Variants in SESN1 observed in about 807,000 individuals in gnomAD.
SESN1 encodes sestrin 1.
Under a neutral mutation model 59.3 loss-of-function variants are expected in SESN1, and 30 were observed. That is an observed-to-expected ratio of 0.51 (90% confidence interval 0.38 to 0.69). The LOEUF (loss-of-function observed/expected upper bound fraction) is 0.69. Among genes scored for constraint, SESN1 ranks in the 30% least tolerant of loss-of-function variants. The probability of loss-of-function intolerance (pLI) is 0.00; values close to 1 mark genes in which losing one functional copy is unlikely to be tolerated. For synonymous variants in SESN1, 197 were observed against 219.9 expected, an observed-to-expected ratio of 0.90 and a Z score of 0.92; for missense variants, 566 against 673.0, an observed-to-expected ratio of 0.84 and a Z score of 1.76.
At chr6:108,995,102 T>G (rs1371817741) in intron 5 of SESN1, among the ~76,000 whole-genome samples, 1 of 152,214 alleles carries the variant, frequency 6.6e-6, no homozygotes, top group Non-Finnish European at 1.5e-5. Flanking sequence ...AATACAGACA[T>G]GCAGATTTTA....
chr6:109,076,194 C>A (rs1331637419), intron 1 of SESN1, among the ~76,000 whole-genome samples: 1 of 152,202 alleles, frequency 6.6e-6, no homozygotes. Context: ...CTGTGGTTTG[C>A]AGCTTCAATT....
chr6:109,054,492 A>G (rs1780596347), intron 1 of SESN1, among the ~76,000 whole-genome samples: 1 of 152,180 alleles, frequency 6.6e-6, no homozygotes, highest in African/African-American at 2.4e-5. Flanking sequence ...AAAAAGATAA[A>G]ATTATGTTAC....
At chr6:109,017,305 A>C (rs1779942325) in intron 1 of SESN1, among the ~76,000 whole-genome samples, 1 of 152,134 alleles carries the variant, frequency 6.6e-6, no homozygotes, top group South Asian at 2.1e-4. Flanking sequence ...CATTTCTTTT[A>C]GACAGAGTCT....
chr6:109,033,215 G>C (rs960628951), intron 1 of SESN1, among the ~76,000 whole-genome samples: 3 of 152,170 alleles, frequency 2.0e-5, no homozygotes, highest in Non-Finnish European at 2.9e-5. Context: ...AAGCTAAAGA[G>C]AGTGCAGTGG....
At chr6:109,007,229 G>A (rs1407241) in intron 1 of SESN1, among the ~76,000 whole-genome samples, 15,203 of 152,198 alleles carry the variant, frequency 0.1, 928 homozygotes, top group Middle Eastern at 0.19. Context: ...GAAAGACTAT[G>A]TTTTTATTGT....
At chr6:109,074,549 A>G (rs1163349482) in intron 1 of SESN1, among the ~76,000 whole-genome samples, 3 of 152,240 alleles carry the variant, frequency 2.0e-5, no homozygotes, top group South Asian at 2.1e-4. Context: ...GCCAAAATAC[A>G]TAAGAATTAT....
chr6:109,049,775 G>A (rs1780514513), intron 1 of SESN1, among the ~76,000 whole-genome samples: 1 of 150,852 alleles, frequency 6.6e-6, no homozygotes, highest in South Asian at 2.1e-4. Flanking sequence ...ATATTTATAT[G>A]TATTTTTTAA....
intron 1 of SESN1, among the ~76,000 whole-genome samples, chr6:109,057,817 A>T (rs911482221): frequency 6.6e-6 from 1 of 152,192 alleles, no homozygotes; most frequent in African/African-American, 2.4e-5. Context: ...AAACACAAAG[A>T]ATTCAGAAAT....
chr6:108,990,718 T>A lies in SESN1; in HGVS notation c.1351A>T (p.Met451Leu). 1.2e-6 allele frequency: 2 copies of A among 1,614,166 alleles called. No individual in the cohort carries two copies. The highest frequency in any genetic ancestry group is 1.3e-5 in the African/African-American group (1 of 75,056). The stretch of plus-strand genomic sequence containing the variant: ...ATTGAGGTATCAACATCTTTGTGCA[T>A]TGCCATTGTATTATAAGTAAGATTG... ...AYNLTYNTMA[M>L]HKDVDTSMLR... The change falls in exon 8 of 10, where the codon ATG (methionine) becomes TTG (leucine). Residue 451 changes from methionine (M) to leucine (L), a missense_variant. Met to Leu is a conservative substitution (Grantham distance 15, BLOSUM62 2). Coordinates refer to ENST00000436639, the MANE Select transcript of SESN1 (RefSeq NM_014454.3).
At chr6:109,039,800 A>G (rs1209015427) in intron 1 of SESN1, among the ~76,000 whole-genome samples, 3 of 152,186 alleles carry the variant, frequency 2.0e-5, no homozygotes, top group Non-Finnish European at 4.4e-5. Flanking sequence ...TGATCTTTCT[A>G]TTGTCTTAAC....
rs991568957 is a variant in SESN1, at chr6:109,009,211, G to A, written c.280-6868C>T. 8 of 829,362 alleles carry A rather than the reference G, an allele frequency of 9.6e-6. No individual in the cohort carries two copies. In the Admixed American group the frequency reaches 1.7e-4, roughly 18 times the overall value. The allele number at this position is 829,362 out of a possible 1,614,324, so 51.4% of individuals were successfully genotyped here. A position where few individuals can be genotyped will look rare whatever the true frequency, so the allele number is the denominator to read the frequency against. On this transcript the variant is annotated intron_variant, in intron 1 of 9. Coordinates refer to ENST00000436639, the MANE Select transcript of SESN1 (RefSeq NM_014454.3). ...GGAGGGCCGGGACGCTGCTCCCCGG[G>A]AGCCCGCCCTATCTGGGGAGCGTTT...
rs75123969 is a variant in SESN1 at position 108,997,884 on chromosome 6, T to C, written c.972+629A>G. Among the ~76,000 whole-genome samples, 585 of 152,328 alleles carry C rather than the reference T, an allele frequency of 3.8e-3. 1 individual carries two copies. The highest frequency in any genetic ancestry group is 0.014 in the African/African-American group (569 of 41,590). ...ATATACAGGAATTAAAATTTGCTTA[T>C]AGAAAACTGAACTTGCTCTGTTTCA... On this transcript the variant is annotated intron_variant, in intron 5 of 9. Coordinates refer to ENST00000436639, the MANE Select transcript of SESN1 (RefSeq NM_014454.3).
At chr6:109,009,295 C>A in intron 1 of SESN1, 1 of 1,391,106 alleles carries the variant, frequency 7.2e-7, no homozygotes, top group South Asian at 1.4e-5. Context: ...TTGCACAGGG[C>A]AGCTCGGCCG....
chr6:109,018,022 G>T lies in SESN1; in HGVS notation c.280-15679C>A, dbSNP rs779241375. On this transcript the variant is annotated intron_variant, in intron 1 of 9. Transcript: ENST00000436639. ...GTCTCTTTCTATAGAACAATAATAAGAAGAAGAAATAGCAAAAATATAATT... is the reference window on the plus strand; with the variant it reads ...GTCTCTTTCTATAGAACAATAATAATAAGAAGAAATAGCAAAAATATAATT... 1.7e-3 allele frequency among the ~76,000 whole-genome samples: 256 copies of T among 152,190 alleles called. 1 individual carries two copies. The highest frequency in any genetic ancestry group is 4.5e-3 in the African/African-American group (187 of 41,522).
intron 6 of SESN1, among the ~76,000 whole-genome samples, chr6:108,993,720 C>T (rs577528287): frequency 4.7e-4 from 71 of 152,022 alleles, no homozygotes; most frequent in Admixed American, 5.2e-4. Flanking sequence ...TAATAAATAT[C>T]TCCTTTTCAC....
At chr6:108,997,733 T>C (rs1368819567) in intron 5 of SESN1, among the ~76,000 whole-genome samples, 1 of 152,198 alleles carries the variant, frequency 6.6e-6, no homozygotes, top group Admixed American at 6.5e-5. Context: ...ATAATATAAC[T>C]CAGAAAATGC....
intron 1 of SESN1, chr6:109,009,099 C>T: frequency 1.3e-6 from 1 of 773,998 alleles, no homozygotes; most frequent in Middle Eastern, 4.5e-4. Flanking sequence ...CGCAGTCTCT[C>T]CCAGCTTAGC....
chr6:109,059,115 A>C (rs1780688103), intron 1 of SESN1, among the ~76,000 whole-genome samples: 1 of 152,184 alleles, frequency 6.6e-6, no homozygotes, highest in Non-Finnish European at 1.5e-5. Flanking sequence ...ACACACACAC[A>C]CATAATTTAC....
intron 1 of SESN1, among the ~76,000 whole-genome samples, chr6:109,053,065 T>TGC (rs1438825551): frequency 2.8e-4 from 42 of 152,096 alleles, no homozygotes; most frequent in Non-Finnish European, 4.4e-5. Flanking sequence ...TGTGTGTGTG[T>TGC]GCGTGCGTGT....
Sources: allele counts gnomAD v4.1 joint callset (sites outside exome capture counted in the v4.1 genomes callset), GRCh38; gene constraint gnomAD v4.1.1; transcripts MANE v1.5; gene names NCBI Gene and HGNC (gene_info 2026-07-23, HGNC 2026-07-21).